Variants in OXSR1 observed in about 807,000 individuals in gnomAD.
OXSR1 encodes oxidative stress responsive kinase 1.
Under a neutral mutation model 79.8 loss-of-function variants are expected in OXSR1, and 24 were observed. The observed-to-expected ratio is 0.30, with a 90% CI of 0.22 to 0.42. The LOEUF (loss-of-function observed/expected upper bound fraction) is 0.42. Ranked by LOEUF, OXSR1 falls within the 10% of genes least tolerant of loss-of-function variation. OXSR1 has a pLI of 1.00. For missense variants in OXSR1, 430 were observed against 618.4 expected (o/e 0.70, Z 3.23); for synonymous variants, 226 against 209.2 (o/e 1.08, Z -0.69).
chr3:38,233,524 T>C (rs527657238), intron 10 of OXSR1, among the ~76,000 whole-genome samples: 2 of 151,868 alleles, frequency 1.3e-5, no homozygotes, highest in African/African-American at 4.8e-5. Context: ...ATGTGAAAAA[T>C]AGAGGTCAAA....
intron 9 of OXSR1, 39 bp downstream of exon 9, chr3:38,229,774 A>C: frequency 7.0e-7 from 1 of 1,433,292 alleles, no homozygotes; most frequent in East Asian, 2.3e-5. Flanking sequence ...TGTTCATAGG[A>C]TGCTCCTCAA....
Position 38,183,049 on chromosome 3 carries a change from A to G in OXSR1, c.117A>G (p.Lys39=). Residue 39 remains lysine, a synonymous_variant, in exon 2 of 18, where the codon AAA becomes AAG. Transcript: ENST00000311806. ...TCCAAGCAGCTTATTGTGCCCCTAA[A>G]AAGGAGAAAGTGGCAATCAAACGGA... The part of the protein sequence containing the change: ...AVVQAAYCAP[K]KEKVAIKRIN... 3 of 1,613,460 alleles carry G rather than the reference A, an allele frequency of 1.9e-6. No homozygotes were observed. Among genetic ancestry groups the G allele is most frequent in the Non-Finnish European group, 1.7e-6 (2 of 1,179,696 alleles).
At chr3:38,180,612 A>G (rs1234505409) in intron 1 of OXSR1, among the ~76,000 whole-genome samples, 2 of 148,330 alleles carry the variant, frequency 1.3e-5, no homozygotes, top group Non-Finnish European at 3.0e-5. Flanking sequence ...GCTCACTGCA[A>G]CCTCTGCCTC....
chr3:38,210,281 G>T (rs937782105), intron 4 of OXSR1, among the ~76,000 whole-genome samples: 3 of 152,096 alleles, frequency 2.0e-5, no homozygotes, highest in Admixed American at 6.5e-5. Flanking sequence ...TCCCCCCCAA[G>T]GTGAGACAGG....
chr3:38,247,200 G>A (rs181906554), intron 13 of OXSR1, among the ~76,000 whole-genome samples: 111 of 152,122 alleles, frequency 7.3e-4, no homozygotes, highest in African/African-American at 2.3e-3. Flanking sequence ...ATAAGCAAGC[G>A]CTGTACAATT....
At chr3:38,183,918 G>A (rs1352525421) in intron 2 of OXSR1, among the ~76,000 whole-genome samples, 1 of 152,006 alleles carries the variant, frequency 6.6e-6, no homozygotes, top group African/African-American at 2.4e-5. Context: ...CAGTTTCTTT[G>A]GCTTAATGAA....
Position 38,170,477 on chromosome 3 carries a change from AT to A in OXSR1, c.70+4540del, listed in dbSNP as rs747210356. On this transcript the variant is annotated intron_variant, in intron 1 of 17. Coordinates refer to ENST00000311806, the MANE Select transcript of OXSR1 (RefSeq NM_005109.3). ...TCTTTACTAACCCAACATTGTGAAGATTTTTTTTTCCTGTTTTTTTTTAAGT... is the reference window on the plus strand; with the variant it reads ...TCTTTACTAACCCAACATTGTGAAGATTTTTTTTCCTGTTTTTTTTTAAGT... 3.3e-5 allele frequency among the ~76,000 whole-genome samples: 5 copies of A among 149,338 alleles called. No homozygotes were observed. The East Asian group carries it at 7.9e-4, about 24-fold the overall frequency.
chr3:38,173,782 G>C (rs1377832301), intron 1 of OXSR1, among the ~76,000 whole-genome samples: 18 of 152,160 alleles, frequency 1.2e-4, no homozygotes. Flanking sequence ...GCACTGTTCT[G>C]GATGCTGGAG....
intron 4 of OXSR1, among the ~76,000 whole-genome samples, chr3:38,210,350 T>G (rs1280559418): frequency 6.6e-6 from 1 of 152,184 alleles, no homozygotes; most frequent in African/African-American, 2.4e-5. Flanking sequence ...TAGGTTCTGG[T>G]AAAACCAAGG....
chr3:38,165,571 A>AGAGGGGCTGGGGTGGAGGGCGGGACT lies in OXSR1; in HGVS notation c.-295_-294insGTGGAGGGCGGGACTGAGGGGCTGGG. The AGAGGGGCTGGGGTGGAGGGCGGGACT allele has an allele frequency of 2.7e-6, 1 of 376,140 alleles. No homozygotes were observed. Among genetic ancestry groups the AGAGGGGCTGGGGTGGAGGGCGGGACT allele is most frequent in the Non-Finnish European group, 4.8e-6 (1 of 207,976 alleles). 23.3% of individuals were successfully genotyped at this position (376,140 alleles called of 1,614,324 possible). A position where few individuals can be genotyped will look rare whatever the true frequency, so the allele number is the denominator to read the frequency against. The stretch of plus-strand genomic sequence containing the variant: ...GTGGGGCTGGGGTGGAGGGCGGGAC[A>AGAGGGGCTGGGGTGGAGGGCGGGACT]GAGGGGCTGGGCCCAGGCAAAGCTT... On this transcript the variant is annotated 5_prime_UTR_variant, in exon 1 of 18. Transcript: ENST00000311806.
At chr3:38,232,957 C>T (rs1702841078) in intron 10 of OXSR1, among the ~76,000 whole-genome samples, 1 of 152,050 alleles carries the variant, frequency 6.6e-6, no homozygotes, top group Non-Finnish European at 1.5e-5. Flanking sequence ...TACAACAGAA[C>T]CCTGAAAGGT....
chr3:38,206,083 A>T (rs1284982351), intron 4 of OXSR1, among the ~76,000 whole-genome samples: 4 of 152,336 alleles, frequency 2.6e-5, no homozygotes, highest in Admixed American at 2.6e-4. Context: ...AAAGAAAAAA[A>T]GTTATTATAT....
At chr3:38,233,314 T>G (rs1702849363) in intron 10 of OXSR1, among the ~76,000 whole-genome samples, 5 of 152,238 alleles carry the variant, frequency 3.3e-5, no homozygotes, top group Admixed American at 3.3e-4. Flanking sequence ...TGAAAAATCC[T>G]TATTTGATCA....
At chr3:38,184,143 G>A (rs1456996065) in intron 2 of OXSR1, among the ~76,000 whole-genome samples, 2 of 151,926 alleles carry the variant, frequency 1.3e-5, no homozygotes, top group African/African-American at 2.4e-5. Context: ...GTCCCAAATT[G>A]TATTTTATTT....
chr3:38,246,548 C>T lies in OXSR1; in HGVS notation c.1257+327C>T, dbSNP rs550823701. ...GAAGTTCAACAGAGACTAGGAGAAT[C>T]GATGGCTGTACTGTTTTTGTTGTTG... is the stretch of plus-strand genomic sequence containing the variant. On this transcript the variant is annotated intron_variant, in intron 13 of 17. Transcript: ENST00000311806. 2.0e-5 allele frequency among the ~76,000 whole-genome samples: 3 copies of T among 152,188 alleles called. 1 individual carries two copies. The South Asian group carries it at 6.2e-4, about 32-fold the overall frequency.
intron 4 of OXSR1, among the ~76,000 whole-genome samples, chr3:38,208,592 A>G (rs1227504815): frequency 6.6e-6 from 1 of 152,152 alleles, no homozygotes; most frequent in African/African-American, 2.4e-5. Flanking sequence ...CCTATCATGT[A>G]TGGAGTTTTT....
chr3:38,181,757 T>G (rs1701790749), intron 1 of OXSR1, among the ~76,000 whole-genome samples: 1 of 152,204 alleles, frequency 6.6e-6, no homozygotes. Context: ...TTGGCATCAG[T>G]ACGATCGTGT....
At chr3:38,174,500 T>A (rs1166237028) in intron 1 of OXSR1, among the ~76,000 whole-genome samples, 6 of 152,184 alleles carry the variant, frequency 3.9e-5, no homozygotes, top group African/African-American at 1.4e-4. Flanking sequence ...GAGAATCGCT[T>A]GAACCCGAGT....
At chr3:38,173,427 C>T (rs970470706) in intron 1 of OXSR1, among the ~76,000 whole-genome samples, 1 of 152,030 alleles carries the variant, frequency 6.6e-6, no homozygotes, top group Non-Finnish European at 1.5e-5. Flanking sequence ...ATTTCTAGGC[C>T]CTACTCTGCC....
Sources: gnomAD v4.1 joint callset for allele counts (sites outside exome capture counted in the v4.1 genomes callset) on GRCh38, gnomAD v4.1.1 for gene constraint, MANE v1.5 for transcripts, NCBI Gene and HGNC (gene_info 2026-07-23, HGNC 2026-07-21) for gene names.